The following RBFOX1 variants were observed in gnomAD, a reference collection of about 807,000 sequenced individuals.
RBFOX1 encodes RNA binding fox-1 homolog 1, also known as RNA binding protein fox-1 homolog 1.
In RBFOX1, 8 loss-of-function variants were observed where a neutral mutation model predicts 57.7. The observed-to-expected ratio is 0.14, with a 90% CI of 0.08 to 0.25. The LOEUF is 0.25. RBFOX1 is among the 10% of genes least tolerant of loss of function. RBFOX1 has a pLI of 1.00. For synonymous variants in RBFOX1, 326 were observed against 222.4 expected (o/e 1.47, Z -4.15); for missense variants, 611 against 548.5 (o/e 1.11, Z -1.14).
intron 1 of RBFOX1, among the ~76,000 whole-genome samples, chr16:5,430,326 G>A (rs1457934712): frequency 6.6e-6 from 1 of 152,138 alleles, no homozygotes; most frequent in East Asian, 1.9e-4. Flanking sequence ...GGAGTTAGCT[G>A]GGAACAGGCC....
intron 1 of RBFOX1, among the ~76,000 whole-genome samples, chr16:6,227,161 A>G (rs1283771436): frequency 6.6e-6 from 1 of 151,794 alleles, no homozygotes; most frequent in Non-Finnish European, 1.5e-5. Context: ...ACTGCCTCAT[A>G]TATCTTTTTG....
intron 4 of RBFOX1, among the ~76,000 whole-genome samples, chr16:7,216,589 T>C (rs1362663844): frequency 6.6e-6 from 1 of 151,490 alleles, no homozygotes; most frequent in Non-Finnish European, 1.5e-5. Flanking sequence ...ACCTGGGAGG[T>C]AGAGGTTGCA....
intron 2 of RBFOX1, among the ~76,000 whole-genome samples, chr16:5,492,619 C>T (rs2042870756): frequency 6.6e-6 from 1 of 152,198 alleles, no homozygotes; most frequent in Admixed American, 6.6e-5. Context: ...CTTGTCTATG[C>T]TGCATTAGTT....
chr16:7,538,943 G>C (rs1371481718), intron 5 of RBFOX1, among the ~76,000 whole-genome samples: 1 of 149,136 alleles, frequency 6.7e-6, no homozygotes, highest in Admixed American at 6.9e-5. Context: ...CTTTCATATG[G>C]GCATCATCTT....
chr16:6,651,757 C>T (rs141695549), intron 2 of RBFOX1, among the ~76,000 whole-genome samples: 18 of 152,138 alleles, frequency 1.2e-4, no homozygotes, highest in African/African-American at 3.4e-4. Context: ...ACGTACACAC[C>T]CGTGTTCATA....
chr16:6,781,274 G>T (rs1603622721), intron 3 of RBFOX1, among the ~76,000 whole-genome samples: 1 of 152,130 alleles, frequency 6.6e-6, no homozygotes, highest in African/African-American at 2.4e-5. Context: ...TCGCAGGAAT[G>T]ATTCCCATTT....
At chr16:6,868,290 G>C (rs1046460585) in intron 3 of RBFOX1, among the ~76,000 whole-genome samples, 2 of 152,170 alleles carry the variant, frequency 1.3e-5, no homozygotes, top group African/African-American at 4.8e-5. Flanking sequence ...GATGGACACA[G>C]AAAGTGGTTT....
intron 4 of RBFOX1, among the ~76,000 whole-genome samples, chr16:7,246,105 G>C (rs202153344): frequency 6.6e-6 from 1 of 151,390 alleles, no homozygotes; most frequent in East Asian, 1.9e-4. Flanking sequence ...TATTTTGAGA[G>C]TTTTTTTCAT....
chr16:6,737,487 G>C (rs1420509414), intron 3 of RBFOX1, among the ~76,000 whole-genome samples: 1 of 152,214 alleles, frequency 6.6e-6, no homozygotes, highest in Non-Finnish European at 1.5e-5. Flanking sequence ...GTCCAGTTCA[G>C]ATGGCCAAAA....
At chr16:6,672,408 A>G (rs1353504837) in intron 3 of RBFOX1, among the ~76,000 whole-genome samples, 1 of 150,926 alleles carries the variant, frequency 6.6e-6, no homozygotes, top group Non-Finnish European at 1.5e-5. Flanking sequence ...AAAAGGAAGG[A>G]CGGATGGATG....
At chr16:5,433,650 T>C (rs1366057351) in intron 1 of RBFOX1, among the ~76,000 whole-genome samples, 1 of 152,214 alleles carries the variant, frequency 6.6e-6, no homozygotes, top group Non-Finnish European at 1.5e-5. Flanking sequence ...GCACCCTTTC[T>C]TTGTGTGTGG....
chr16:7,164,154 T>C (rs746394574), intron 4 of RBFOX1, among the ~76,000 whole-genome samples: 22 of 152,128 alleles, frequency 1.4e-4, no homozygotes, highest in Non-Finnish European at 3.1e-4. Flanking sequence ...ATCCACTGTA[T>C]CATTCTTACG....
At chr16:6,769,862 G>T (rs539040157) in intron 3 of RBFOX1, among the ~76,000 whole-genome samples, 3 of 152,184 alleles carry the variant, frequency 2.0e-5, no homozygotes, top group African/African-American at 7.2e-5. Context: ...GTTTGAAGAT[G>T]ATTTGTTTGG....
At position 6,454,482 on chromosome 16, in the gene RBFOX1, G is replaced by A. The variant is rs191835294; in HGVS notation, c.-64+137425G>A. On this transcript the variant is annotated intron_variant, in intron 2 of 15. Coordinates refer to ENST00000550418, the MANE Select transcript of RBFOX1 (RefSeq NM_018723.4). ...TGAGGAGGGAGGATCACCTGAGCCT[G>A]GGGAGATCAAGACTGTGGTGAGCTG... 5.8e-4 allele frequency among the ~76,000 whole-genome samples: 88 copies of A among 152,188 alleles called. 1 individual carries two copies. The highest frequency in any genetic ancestry group is 5.9e-5 in the Non-Finnish European group (4 of 68,006).
At chr16:6,510,854 TAAA>T (rs957647339) in intron 2 of RBFOX1, among the ~76,000 whole-genome samples, 1 of 140,900 alleles carries the variant, frequency 7.1e-6, no homozygotes, top group Non-Finnish European at 1.6e-5. Flanking sequence ...GCTGCACCCT[TAAA>T]AAAAAAAAAA....
intron 2 of RBFOX1, among the ~76,000 whole-genome samples, chr16:6,652,757 C>T (rs966436973): frequency 6.6e-6 from 1 of 151,732 alleles, no homozygotes; most frequent in Non-Finnish European, 1.5e-5. Context: ...TTCAGGGGCT[C>T]TGGGAGGGGA....
intron 3 of RBFOX1, among the ~76,000 whole-genome samples, chr16:5,846,150 C>T (rs1416690273): frequency 6.6e-6 from 1 of 150,916 alleles, no homozygotes; most frequent in African/African-American, 2.4e-5. Flanking sequence ...CCACTGCACT[C>T]CAGCCTGGGC....
At chr16:7,288,954 G>A (rs915844512) in intron 4 of RBFOX1, among the ~76,000 whole-genome samples, 2 of 152,216 alleles carry the variant, frequency 1.3e-5, no homozygotes, top group African/African-American at 4.8e-5. Context: ...GAGAGGCAGG[G>A]GTTGGAGAAA....
At chr16:5,582,294 G>C (rs146378408) in intron 2 of RBFOX1, among the ~76,000 whole-genome samples, 136 of 152,272 alleles carry the variant, frequency 8.9e-4, no homozygotes, top group Non-Finnish European at 1.6e-3. Flanking sequence ...AGCAAGCTGA[G>C]TTAAAGAGTG....
Sources: allele counts gnomAD v4.1 joint callset (sites outside exome capture counted in the v4.1 genomes callset), GRCh38; gene constraint gnomAD v4.1.1; transcripts MANE v1.5; gene names NCBI Gene and HGNC (gene_info 2026-07-23, HGNC 2026-07-21).